MDFIC2: variants seen among roughly 807,000 people sequenced by gnomAD.
MDFIC2 encodes the protein MyoD family inhibitor domain containing 2.
intron 2 of MDFIC2, among the ~76,000 whole-genome samples, chr3:70,300,359 T>C (rs978490947): frequency 4.6e-5 from 7 of 152,242 alleles, no homozygotes; most frequent in Admixed American, 2.0e-4. Context: ...ACGTTTATTA[T>C]AGGCACATCG....
intron 2 of MDFIC2, among the ~76,000 whole-genome samples, chr3:70,310,468 C>T (rs879901212): frequency 4.6e-5 from 7 of 152,012 alleles, no homozygotes; most frequent in Middle Eastern, 3.4e-3. Context: ...CCAGTTCAAG[C>T]GATTATCCTG....
intron 2 of MDFIC2, among the ~76,000 whole-genome samples, chr3:70,250,949 G>A (rs1382818393): frequency 2.0e-5 from 3 of 152,134 alleles, no homozygotes; most frequent in Admixed American, 1.3e-4. Flanking sequence ...TTTAGAGAAA[G>A]ACAAACTATT....
intron 2 of MDFIC2, among the ~76,000 whole-genome samples, chr3:70,247,356 T>A (rs1701716864): frequency 6.6e-6 from 1 of 151,986 alleles, no homozygotes; most frequent in Non-Finnish European, 1.5e-5. Flanking sequence ...GAGTTCTGAA[T>A]GGTTAATGCG....
At chr3:70,310,618 G>A (rs191755385) in intron 2 of MDFIC2, among the ~76,000 whole-genome samples, 4 of 152,004 alleles carry the variant, frequency 2.6e-5, no homozygotes, top group East Asian at 1.9e-4. Context: ...CACCCGCCTC[G>A]GCCTCCCAAA....
intron 2 of MDFIC2, among the ~76,000 whole-genome samples, chr3:70,239,266 T>G (rs567522545): frequency 6.6e-6 from 1 of 152,188 alleles, no homozygotes; most frequent in East Asian, 1.9e-4. Context: ...TTTCAAAGAT[T>G]GTTTTAAAAA....
intron 2 of MDFIC2, among the ~76,000 whole-genome samples, chr3:70,231,690 C>T (rs1440244805): frequency 2.0e-5 from 3 of 152,010 alleles, no homozygotes; most frequent in Non-Finnish European, 2.9e-5. Flanking sequence ...AAGCCACACA[C>T]GCAGAGAGAC....
At chr3:70,284,149 A>G (rs748701952) in intron 2 of MDFIC2, among the ~76,000 whole-genome samples, 47 of 152,148 alleles carry the variant, frequency 3.1e-4, no homozygotes, top group Non-Finnish European at 6.3e-4. Flanking sequence ...TCATGAAAGC[A>G]AGAGTCACAG....
chr3:70,300,131 C>A (rs149064725), intron 2 of MDFIC2, among the ~76,000 whole-genome samples: 14 of 152,148 alleles, frequency 9.2e-5, no homozygotes, highest in African/African-American at 3.4e-4. Context: ...AATCGCATAT[C>A]TTCTTTGAAA....
intron 2 of MDFIC2, among the ~76,000 whole-genome samples, chr3:70,270,961 C>T (rs1040267388): frequency 1.1e-4 from 16 of 152,048 alleles, no homozygotes; most frequent in Admixed American, 8.5e-4. Flanking sequence ...TGCAGCAAAT[C>T]GCCATGGCAC....
intron 2 of MDFIC2, among the ~76,000 whole-genome samples, chr3:70,279,375 T>A (rs759006928): frequency 2.0e-5 from 3 of 152,158 alleles, no homozygotes; most frequent in Non-Finnish European, 4.4e-5. Flanking sequence ...AATGGTCATT[T>A]GATTAACTAC....
chr3:70,212,434 A>G (rs1701360610), intron 2 of MDFIC2, among the ~76,000 whole-genome samples: 1 of 152,088 alleles, frequency 6.6e-6, no homozygotes, highest in South Asian at 2.1e-4. Flanking sequence ...TCATTTTTCC[A>G]GTTCCCTGGG....
intron 2 of MDFIC2, among the ~76,000 whole-genome samples, chr3:70,208,605 A>C (rs1037678872): frequency 6.6e-6 from 1 of 152,096 alleles, no homozygotes; most frequent in Non-Finnish European, 1.5e-5. Flanking sequence ...TGATTCCGAC[A>C]TGTAGACAAG....
At chr3:70,255,142 C>A (rs1451033016) in intron 2 of MDFIC2, among the ~76,000 whole-genome samples, 1 of 152,176 alleles carries the variant, frequency 6.6e-6, no homozygotes, top group African/African-American at 2.4e-5. Context: ...TTAAACCATG[C>A]TGCTCCTTTG....
intron 2 of MDFIC2, among the ~76,000 whole-genome samples, chr3:70,238,723 G>T (rs190135524): frequency 2.1e-3 from 322 of 152,032 alleles, no homozygotes; most frequent in Middle Eastern, 0.014. Flanking sequence ...TATTGTTTGG[G>T]TCCCCATATT....
chr3:70,276,422 C>T (rs1702026977), intron 2 of MDFIC2, among the ~76,000 whole-genome samples: 1 of 151,980 alleles, frequency 6.6e-6, no homozygotes, highest in African/African-American at 2.4e-5. Context: ...TAACAAATAC[C>T]CATAACAAAT....
chr3:70,208,148 A>G (rs1264549775), intron 2 of MDFIC2, among the ~76,000 whole-genome samples: 3 of 152,088 alleles, frequency 2.0e-5, no homozygotes, highest in Non-Finnish European at 4.4e-5. Flanking sequence ...ATGCCCAGGA[A>G]CAACTTAAAA....
intron 2 of MDFIC2, among the ~76,000 whole-genome samples, chr3:70,270,738 A>G (rs1223662981): frequency 1.3e-5 from 2 of 152,202 alleles, no homozygotes; most frequent in Admixed American, 1.3e-4. Flanking sequence ...CTTTGCCAGG[A>G]CACGGTTGAA....
chr3:70,268,197 G>A (rs1701939485), intron 2 of MDFIC2, among the ~76,000 whole-genome samples: 2 of 152,126 alleles, frequency 1.3e-5, no homozygotes, highest in Non-Finnish European at 1.5e-5. Context: ...CCGGCTGGGC[G>A]CGGTAGCTCA....
At chr3:70,296,827 GT>G (rs1414173001) in intron 2 of MDFIC2, among the ~76,000 whole-genome samples, 1 of 151,944 alleles carries the variant, frequency 6.6e-6, no homozygotes, top group African/African-American at 2.4e-5. Flanking sequence ...AGCTGGAGTG[GT>G]TTTTTTAAAA....
Sources: allele counts gnomAD v4.1 joint callset (sites outside exome capture counted in the v4.1 genomes callset), GRCh38; gene constraint gnomAD v4.1.1; transcripts MANE v1.5; gene names NCBI Gene and HGNC (gene_info 2026-07-23, HGNC 2026-07-21).